Variants in AAK1 observed in about 807,000 individuals in gnomAD.
The protein encoded by AAK1 is AP2 associated kinase 1.
In AAK1, 37 loss-of-function variants were observed where a neutral mutation model predicts 116.0. The ratio of observed to expected loss-of-function variants is 0.32; its 90% CI spans 0.25 to 0.42. AAK1 has a LOEUF of 0.42. AAK1 is among the 10% of genes least tolerant of loss of function. AAK1 has a pLI of 1.00. For synonymous variants in AAK1, 458 were observed against 439.9 expected, an observed-to-expected ratio of 1.04 and a Z score of -0.51; for missense variants, 919 against 1,170.6, an observed-to-expected ratio of 0.79 and a Z score of 3.14.
intron 2 of AAK1, among the ~76,000 whole-genome samples, chr2:69,562,542 C>A (rs542532357): frequency 1.3e-5 from 2 of 152,210 alleles, no homozygotes; most frequent in East Asian, 3.9e-4. Flanking sequence ...TACATAAATT[C>A]TAAAATCTCT....
intron 3 of AAK1, among the ~76,000 whole-genome samples, chr2:69,553,715 T>G (rs1426896693): frequency 1.3e-5 from 2 of 151,666 alleles, no homozygotes; most frequent in Non-Finnish European, 2.9e-5. Flanking sequence ...GTGCTGGGAT[T>G]ACGGGCATGA....
intron 10 of AAK1, among the ~76,000 whole-genome samples, chr2:69,523,366 T>C (rs867151500): frequency 6.6e-6 from 1 of 152,200 alleles, no homozygotes. Flanking sequence ...GTTAAGCAAG[T>C]TTGCTACGTT....
intron 2 of AAK1, among the ~76,000 whole-genome samples, chr2:69,559,294 ACACACT>A (rs34722209): frequency 0.064 from 8,390 of 131,588 alleles, 310 homozygotes; most frequent in African/African-American, 0.11. Flanking sequence ...ACACACACAC[ACACACT>A]CTCTCTCTCC....
chr2:69,566,659 C>T (rs1006889512), intron 2 of AAK1, among the ~76,000 whole-genome samples: 4 of 152,192 alleles, frequency 2.6e-5, no homozygotes, highest in Non-Finnish European at 5.9e-5. Flanking sequence ...GGAGGATCTC[C>T]AGCTCAGGAG....
chr2:69,559,262 TCACACACACACA>T (rs375580392), intron 2 of AAK1, among the ~76,000 whole-genome samples: 5 of 127,174 alleles, frequency 3.9e-5, no homozygotes, highest in Non-Finnish European at 8.3e-5. Context: ...TCTCTCTCTC[TCACACACACACA>T]CACACACACA....
intron 16 of AAK1, among the ~76,000 whole-genome samples, chr2:69,498,454 C>A (rs1365505816): frequency 6.6e-6 from 1 of 152,144 alleles, no homozygotes. Context: ...GAGTTTCCAC[C>A]CCACCCACCT....
chr2:69,523,766 T>C (rs972317566), intron 10 of AAK1, among the ~76,000 whole-genome samples: 2 of 152,188 alleles, frequency 1.3e-5, no homozygotes, highest in African/African-American at 4.8e-5. Flanking sequence ...ATGCTTCCCA[T>C]AGGTTGCTGC....
chr2:69,535,547 A>C (rs533641943), intron 5 of AAK1, among the ~76,000 whole-genome samples: 1 of 152,144 alleles, frequency 6.6e-6, no homozygotes, highest in South Asian at 2.1e-4. Context: ...AGAATACAGC[A>C]GGTGAATGTA....
At chr2:69,634,271 G>A (rs1675352948) in intron 2 of AAK1, among the ~76,000 whole-genome samples, 1 of 152,152 alleles carries the variant, frequency 6.6e-6, no homozygotes, top group African/African-American at 2.4e-5. Flanking sequence ...TAGGAGCCTC[G>A]GGTTCAAGTT....
chr2:69,572,594 G>A (rs1324760915), intron 2 of AAK1, among the ~76,000 whole-genome samples: 1 of 146,378 alleles, frequency 6.8e-6, no homozygotes, highest in Non-Finnish European at 1.5e-5. Flanking sequence ...ACTCCAGCCT[G>A]GGCAACAAAA....
In AAK1 at chr2:69,464,918, T is replaced by C. The variant is rs998387207; in HGVS notation, c.*10951A>G. 1.3e-5 allele frequency: 2 copies of C among 155,772 alleles called. No individual in the cohort carries two copies. The highest frequency in any genetic ancestry group is 2.8e-5 in the Non-Finnish European group (2 of 70,544). 9.6% of individuals were successfully genotyped at this position (155,772 alleles called of 1,614,324 possible). A position where few individuals can be genotyped will look rare whatever the true frequency, so the allele number is the denominator to read the frequency against. On this transcript the variant is annotated 3_prime_UTR_variant, in exon 22 of 22. Coordinates refer to ENST00000409085, the MANE Select transcript of AAK1 (RefSeq NM_014911.5). ...TGCAGGATTATACTTCCTGTTGATGTGCAGGGTTTTTATCTTGCTCTTCTT... is the reference window on the plus strand; with the variant it reads ...TGCAGGATTATACTTCCTGTTGATGCGCAGGGTTTTTATCTTGCTCTTCTT...
At chr2:69,495,325 T>C (rs957271638) in intron 17 of AAK1, among the ~76,000 whole-genome samples, 1 of 152,120 alleles carries the variant, frequency 6.6e-6, no homozygotes, top group Non-Finnish European at 1.5e-5. Flanking sequence ...TCAACCACTT[T>C]CTACTTTTTA....
In AAK1 at chr2:69,472,952, T is replaced by C; in HGVS notation, c.*2917A>G. ...AAAAGCCCATTATAATTCTTTAAAA[T>C]GTAAACACTGCTACCGTAATAGCAG... On this transcript the variant is annotated 3_prime_UTR_variant, in exon 22 of 22. Transcript: ENST00000409085. 1 of 985,682 alleles carries C rather than the reference T, an allele frequency of 1.0e-6. No individual in the cohort carries two copies. Among genetic ancestry groups the C allele is most frequent in the Non-Finnish European group, 1.2e-6 (1 of 829,752 alleles). The allele number at this position is 985,682 out of a possible 1,614,324, so 61.1% of individuals were successfully genotyped here.
intron 2 of AAK1, among the ~76,000 whole-genome samples, chr2:69,628,747 A>T (rs553738218): frequency 6.6e-6 from 1 of 152,310 alleles, no homozygotes; most frequent in South Asian, 2.1e-4. Flanking sequence ...CTATGATCTA[A>T]AATTAACTTT....
At chr2:69,485,983 A>G (rs1675284841) in intron 17 of AAK1, among the ~76,000 whole-genome samples, 1 of 151,068 alleles carries the variant, frequency 6.6e-6, no homozygotes, top group South Asian at 2.1e-4. Context: ...GAGACAGGAT[A>G]GTGCTCTGCC....
chr2:69,615,499 C>T (rs1260875835), intron 2 of AAK1, among the ~76,000 whole-genome samples: 4 of 152,212 alleles, frequency 2.6e-5, no homozygotes, highest in Admixed American at 6.5e-5. Flanking sequence ...ACCTGAAACA[C>T]GGGATTTCCT....
At chr2:69,521,126 CCACAG>C (rs1669759312) in intron 10 of AAK1, 138 bp from the exon 11 acceptor site, 1 of 921,398 alleles carries the variant, frequency 1.1e-6, no homozygotes. Flanking sequence ...AAAGAATCTC[CCACAG>C]GATGCCATTG....
intron 17 of AAK1, among the ~76,000 whole-genome samples, chr2:69,494,343 G>A (rs1046472084): frequency 6.6e-6 from 1 of 152,128 alleles, no homozygotes; most frequent in African/African-American, 2.4e-5. Context: ...AGCTGAAGCC[G>A]ATTTCCTGAG....
At position 69,475,118 on chromosome 2, in the gene AAK1, T is replaced by C; in HGVS notation, c.*751A>G. 1.0e-6 allele frequency: 1 copy of C among 985,864 alleles called. No individual in the cohort carries two copies. Among genetic ancestry groups the C allele is most frequent in the Non-Finnish European group, 1.2e-6 (1 of 829,934 alleles). The allele number at this position is 985,864 out of a possible 1,614,324, so 61.1% of individuals were successfully genotyped here. A position where few individuals can be genotyped will look rare whatever the true frequency, so the allele number is the denominator to read the frequency against. On this transcript the variant is annotated 3_prime_UTR_variant, in exon 22 of 22. Coordinates refer to ENST00000409085, the MANE Select transcript of AAK1 (RefSeq NM_014911.5). Reference sequence around the variant, plus strand: ...TGGGATTTATATAACGTACACATTGTATCCAAGGATCTCAAATACTTGCAG... The same window carrying C: ...TGGGATTTATATAACGTACACATTGCATCCAAGGATCTCAAATACTTGCAG...
Sources: allele counts gnomAD v4.1 joint callset (sites outside exome capture counted in the v4.1 genomes callset), GRCh38; gene constraint gnomAD v4.1.1; transcripts MANE v1.5; gene names NCBI Gene and HGNC (gene_info 2026-07-23, HGNC 2026-07-21).